STK32B: variants seen among roughly 807,000 people sequenced by gnomAD.
STK32B encodes the protein serine/threonine-protein kinase 32B.
Under a neutral mutation model 52.6 loss-of-function variants are expected in STK32B, and 43 were observed. That is an observed-to-expected ratio of 0.82 (90% CI 0.64 to 1.05). The LOEUF is 1.05. Ranked by LOEUF, STK32B falls within the 50% of genes least tolerant of loss-of-function variation. The pLI is 0.00. For synonymous variants in STK32B, 238 were observed against 204.3 expected, an observed-to-expected ratio of 1.17 and a Z score of -1.41; for missense variants, 621 against 534.6, an observed-to-expected ratio of 1.16 and a Z score of -1.59.
At chr4:5,489,621 A>ATTTTTTTTTTTTTTTTTTTTTT (rs1193462359) in intron 11 of STK32B, among the ~76,000 whole-genome samples, 3 of 151,586 alleles carry the variant, frequency 2.0e-5, no homozygotes, top group South Asian at 2.1e-4. Flanking sequence ...TATTTTATTT[A>ATTTTTTTTTTTTTTTTTTTTTT]TTTTTTATTA....
intron 3 of STK32B, among the ~76,000 whole-genome samples, chr4:5,293,968 G>C (rs987619428): frequency 2.0e-4 from 30 of 152,168 alleles, no homozygotes; most frequent in African/African-American, 7.0e-4. Flanking sequence ...TTTTCTATAA[G>C]GTGTAAGGAA....
At chr4:5,348,090 A>G (rs762892117) in intron 4 of STK32B, among the ~76,000 whole-genome samples, 3 of 152,298 alleles carry the variant, frequency 2.0e-5, no homozygotes, top group Non-Finnish European at 4.4e-5. Flanking sequence ...AGGAGAGGGA[A>G]GCAGGACAAC....
intron 3 of STK32B, among the ~76,000 whole-genome samples, chr4:5,330,465 T>C (rs1006158529): frequency 6.6e-6 from 1 of 152,208 alleles, no homozygotes; most frequent in Non-Finnish European, 1.5e-5. Context: ...ACCCTAAAAC[T>C]TAATGGTGTG....
rs181307507 is a variant in STK32B at position 5,124,324 on chromosome 4, C to T, written c.53-15581C>T. On this transcript the variant is annotated intron_variant, in intron 1 of 11. Transcript: ENST00000282908. ...TTTCTGCTCTTCTCTGTAAAACCAT[C>T]GGCATTTTCTTAGTTCTGCAGCCTC... Among the ~76,000 whole-genome samples the T allele has an allele frequency of 7.9e-5, 12 of 152,298 alleles. No individual in the cohort carries two copies. The East Asian group carries it at 2.1e-3, about 27-fold the overall frequency.
intron 3 of STK32B, among the ~76,000 whole-genome samples, chr4:5,278,597 G>A (rs576228793): frequency 6.6e-6 from 1 of 152,304 alleles, no homozygotes; most frequent in Admixed American, 6.5e-5. Context: ...TTGCGAATTT[G>A]AAAACCTAGG....
intron 2 of STK32B, among the ~76,000 whole-genome samples, chr4:5,162,596 T>G (rs889072295): frequency 2.6e-5 from 4 of 152,236 alleles, no homozygotes; most frequent in Admixed American, 2.6e-4. Flanking sequence ...CATTAAGTTG[T>G]AATTAATAAT....
In STK32B at chr4:5,446,731, C is replaced by G; in HGVS notation, c.621C>G (p.Asp207Glu). The G allele has an allele frequency of 6.2e-7, 1 of 1,614,122 alleles. No homozygotes were observed. Among genetic ancestry groups the G allele is most frequent in the Non-Finnish European group, 8.5e-7 (1 of 1,180,012 alleles). ...GCCCCGGATACTCGTACCCTGTCGACTGGTGGTCCCTGGGCATCACAGCCT... is the reference window on the plus strand; with the variant it reads ...GCCCCGGATACTCGTACCCTGTCGAGTGGTGGTCCCTGGGCATCACAGCCT... ...DRGPGYSYPVDWWSLGITAYE... is the reference protein window; with the variant it reads ...DRGPGYSYPVEWWSLGITAYE... The change falls in exon 7 of 12, where the codon GAC becomes GAG. Residue 207 changes from aspartate to glutamate, a missense_variant. Coordinates refer to ENST00000282908, the MANE Select transcript of STK32B (RefSeq NM_018401.3).
chr4:5,143,745 A>G (rs1054377180), intron 2 of STK32B, among the ~76,000 whole-genome samples: 6 of 113,824 alleles, frequency 5.3e-5, no homozygotes, highest in Non-Finnish European at 1.1e-4. Flanking sequence ...ACTGGCCAGC[A>G]TGAGGACCCG....
intron 3 of STK32B, among the ~76,000 whole-genome samples, chr4:5,185,706 G>A (rs760477919): frequency 1.3e-5 from 2 of 152,148 alleles, no homozygotes; most frequent in Non-Finnish European, 2.9e-5. Context: ...TCAATGCCCA[G>A]CCAGTTACCC....
intron 4 of STK32B, among the ~76,000 whole-genome samples, chr4:5,370,277 T>C (rs1735143733): frequency 6.6e-6 from 1 of 152,218 alleles, no homozygotes; most frequent in Admixed American, 6.5e-5. Context: ...TTGTTCGCTG[T>C]GGTATTATCA....
intron 1 of STK32B, among the ~76,000 whole-genome samples, chr4:5,087,571 TAA>T (rs1161672432): frequency 0.039 from 5,932 of 151,848 alleles, 372 homozygotes; most frequent in African/African-American, 0.13. Flanking sequence ...AAGGGACAAA[TAA>T]TTTGATAGAT....
At chr4:5,186,251 G>T (rs796261104) in intron 3 of STK32B, among the ~76,000 whole-genome samples, 1 of 152,234 alleles carries the variant, frequency 6.6e-6, no homozygotes, top group African/African-American at 2.4e-5. Flanking sequence ...ATCCTGTTAT[G>T]GCATAAAGGC....
intron 6 of STK32B, among the ~76,000 whole-genome samples, chr4:5,440,466 C>G (rs1008722113): frequency 6.6e-6 from 1 of 152,134 alleles, no homozygotes; most frequent in Admixed American, 6.5e-5. Flanking sequence ...TATCCTGAGA[C>G]TTTGCTGAAG....
At chr4:5,258,131 C>T (rs7658076) in intron 3 of STK32B, among the ~76,000 whole-genome samples, 16,169 of 152,042 alleles carry the variant, frequency 0.11, 2,307 homozygotes, top group African/African-American at 0.33. Flanking sequence ...CAGCACCTAG[C>T]GGATAGTCAG....
intron 1 of STK32B, among the ~76,000 whole-genome samples, chr4:5,077,786 C>A (rs1712170897): frequency 6.6e-6 from 1 of 152,076 alleles, no homozygotes; most frequent in Non-Finnish European, 1.5e-5. Context: ...TGGAGAATCC[C>A]AAACATTTTA....
At chr4:5,465,096 C>T (rs1168071239) in intron 9 of STK32B, among the ~76,000 whole-genome samples, 1 of 152,088 alleles carries the variant, frequency 6.6e-6, no homozygotes, top group Non-Finnish European at 1.5e-5. Flanking sequence ...CAGCAGGTCA[C>T]AACAGAAAGG....
At position 5,356,953 on chromosome 4, in the gene STK32B, G is replaced by A. The variant is rs138281706; in HGVS notation, c.434+25560G>A. ...GTAGAGGCTGCAGTGAGCCGAGATCGTGCCATTGCACTCCAGCCTGGGCAA... is the reference window on the plus strand; with the variant it reads ...GTAGAGGCTGCAGTGAGCCGAGATCATGCCATTGCACTCCAGCCTGGGCAA... On this transcript the variant is annotated intron_variant, in intron 4 of 11. Transcript: ENST00000282908. 3.9e-4 allele frequency among the ~76,000 whole-genome samples: 59 copies of A among 152,070 alleles called. 1 individual carries two copies. The East Asian group carries it at 9.7e-3, about 25-fold the overall frequency.
chr4:5,398,824 T>A lies in STK32B; in HGVS notation c.472+580T>A, dbSNP rs540704166. 6.6e-6 allele frequency among the ~76,000 whole-genome samples: 1 copy of A among 152,242 alleles called. No individual in the cohort carries two copies. Among genetic ancestry groups the A allele is most frequent in the Non-Finnish European group, 1.5e-5 (1 of 68,048 alleles). On this transcript the variant is annotated intron_variant, in intron 5 of 11. Coordinates refer to ENST00000282908, the MANE Select transcript of STK32B (RefSeq NM_018401.3). This position sits in a 1 kb window ranked among gnomAD's most constrained non-coding sequence, Gnocchi z 4.9. ...GTAAGTCTGAGATGGGACTAGACTC[T>A]GCAAAGTCCAGAGTCTGCAAAGCTC... is the stretch of plus-strand genomic sequence containing the variant.
chr4:5,036,177 G>C, the STK32B span, among the ~76,000 whole-genome samples: 1 of 152,168 alleles, frequency 6.6e-6, no homozygotes, highest in Non-Finnish European at 1.5e-5. Context: ...CAAAGTTTGT[G>C]TAAAGAGAGA....
Sources: gnomAD v4.1 joint callset for allele counts (sites outside exome capture counted in the v4.1 genomes callset) on GRCh38, gnomAD v4.1.1 for gene constraint, Gnocchi (gnomAD v3.1) non-coding constraint, MANE v1.5 for transcripts, NCBI Gene and HGNC (gene_info 2026-07-23, HGNC 2026-07-21) for gene names.